The following METTL24 variants were observed in gnomAD, a reference collection of about 807,000 sequenced individuals.
The protein encoded by METTL24 is probable methyltransferase-like protein 24.
A neutral mutation model predicts 32.7 loss-of-function variants in METTL24; 29 were observed. That is an observed-to-expected ratio of 0.89 (90% CI 0.66 to 1.21). METTL24 has a LOEUF of 1.21. Ranked by LOEUF, METTL24 falls within the 50% of genes most tolerant of loss-of-function variation. The pLI is 0.00. For missense variants in METTL24, 439 were observed against 468.1 expected (o/e 0.94, Z 0.57); for synonymous variants, 163 against 179.5 (o/e 0.91, Z 0.73).
intron 3 of METTL24, among the ~76,000 whole-genome samples, chr6:110,309,875 ACAAAAC>A (rs1771689160): frequency 6.6e-6 from 1 of 150,912 alleles, no homozygotes; most frequent in East Asian, 1.9e-4. Flanking sequence ...AAAAAACAAA[ACAAAAC>A]AAAACAAAAC....
At chr6:110,265,134 AAAGAAAGAAAG>A (rs1272088520) in intron 4 of METTL24, among the ~76,000 whole-genome samples, 2 of 1,346 alleles carry the variant, frequency 1.5e-3, no homozygotes, top group Admixed American at 5.8e-3. Flanking sequence ...AAAAGGAAAG[AAAGAAAGAAAG>A]AAAGAAAGAA....
chr6:110,261,604 C>T (rs149863592), intron 4 of METTL24, among the ~76,000 whole-genome samples: 235 of 152,270 alleles, frequency 1.5e-3, no homozygotes, highest in African/African-American at 4.8e-3. Flanking sequence ...CTCAGCTCTG[C>T]GCCAAGTGGA....
chr6:110,283,167 C>G (rs1771166556), intron 4 of METTL24, among the ~76,000 whole-genome samples: 1 of 152,044 alleles, frequency 6.6e-6, no homozygotes, highest in South Asian at 2.1e-4. Context: ...ATAGAAAGAA[C>G]ATTTTTCTCC....
At chr6:110,263,652 C>T (rs1486906318) in intron 4 of METTL24, among the ~76,000 whole-genome samples, 16 of 152,196 alleles carry the variant, frequency 1.1e-4, no homozygotes, top group Non-Finnish European at 7.4e-5. Flanking sequence ...AAAAAGAGCC[C>T]GCATCGCCAA....
intron 1 of METTL24, among the ~76,000 whole-genome samples, chr6:110,354,989 T>C (rs1195397491): frequency 6.6e-6 from 1 of 152,238 alleles, no homozygotes; most frequent in Non-Finnish European, 1.5e-5. Flanking sequence ...AGTTACTGAA[T>C]AGGCTGAAAT....
At position 110,358,231 on chromosome 6, in the gene METTL24, C is replaced by T. The variant is rs1390474089; in HGVS notation, c.42G>A (p.Leu14=). 6.7e-7 allele frequency: 1 copy of T among 1,487,278 alleles called. No individual in the cohort carries two copies. The highest frequency in any genetic ancestry group is 8.9e-7 in the Non-Finnish European group (1 of 1,125,682). 92.1% of individuals were successfully genotyped at this position (1,487,278 alleles called of 1,614,324 possible). Residue 14 remains leucine (L), a synonymous_variant, in exon 1 of 5, where the codon CTG becomes CTA. Coordinates refer to ENST00000338882, the MANE Select transcript of METTL24 (RefSeq NM_001123364.3). The stretch of plus-strand genomic sequence containing the variant: ...GCACAGCCCCGAGTAGACACCGGCG[C>T]AGGACGCCGCAGCCCCTCCCGGGCG... ...ERPPGRGCGV[L]RRCLLGAVLL...
intron 1 of METTL24, among the ~76,000 whole-genome samples, chr6:110,325,147 T>G (rs1771995628): frequency 6.6e-6 from 1 of 152,118 alleles, no homozygotes; most frequent in Non-Finnish European, 1.5e-5. Flanking sequence ...GGCCCGGGGT[T>G]TAAAACCTCC....
intron 4 of METTL24, among the ~76,000 whole-genome samples, chr6:110,282,992 A>T (rs1771164115): frequency 6.6e-6 from 1 of 152,196 alleles, no homozygotes. Context: ...TATATTTTAA[A>T]TATCTGGAAT....
At chr6:110,326,470 T>C (rs1308258290) in intron 1 of METTL24, among the ~76,000 whole-genome samples, 5 of 152,164 alleles carry the variant, frequency 3.3e-5, no homozygotes. Flanking sequence ...TTGTTAAGAG[T>C]GTTGGCCGTA....
intron 1 of METTL24, among the ~76,000 whole-genome samples, chr6:110,335,328 G>T (rs1475779888): frequency 6.6e-6 from 1 of 152,172 alleles, no homozygotes. Flanking sequence ...CCCCATTTCA[G>T]ATTGGAAATA....
intron 4 of METTL24, among the ~76,000 whole-genome samples, chr6:110,267,466 T>G (rs1770876641): frequency 6.6e-6 from 1 of 152,180 alleles, no homozygotes; most frequent in Non-Finnish European, 1.5e-5. Flanking sequence ...ATAAAAAAAC[T>G]TCATCTTAGT....
At chr6:110,264,011 A>G (rs1239477523) in intron 4 of METTL24, among the ~76,000 whole-genome samples, 1 of 152,212 alleles carries the variant, frequency 6.6e-6, no homozygotes, top group African/African-American at 2.4e-5. Flanking sequence ...CTAAAACCAT[A>G]AAAACCCTAG....
intron 4 of METTL24, among the ~76,000 whole-genome samples, chr6:110,295,079 G>A (rs1249943323): frequency 7.8e-6 from 1 of 128,724 alleles, no homozygotes; most frequent in African/African-American, 3.1e-5. Context: ...CTGGAGTACA[G>A]TGGAGCAATC....
intron 3 of METTL24, 81 bp from the exon 4 acceptor site, chr6:110,299,231 G>T: frequency 1.6e-6 from 2 of 1,248,680 alleles, no homozygotes; most frequent in Non-Finnish European, 2.3e-6. Flanking sequence ...CAGTTCCAAG[G>T]CCAAGGTTCT....
chr6:110,283,893 T>C (rs534340604), intron 4 of METTL24, among the ~76,000 whole-genome samples: 1 of 152,298 alleles, frequency 6.6e-6, no homozygotes, highest in African/African-American at 2.4e-5. Flanking sequence ...ACAGTAGCAC[T>C]ACTCATAATA....
intron 4 of METTL24, among the ~76,000 whole-genome samples, chr6:110,274,546 G>A (rs539663882): frequency 6.6e-6 from 1 of 152,094 alleles, no homozygotes; most frequent in Admixed American, 6.5e-5. Flanking sequence ...AGACTATATT[G>A]GGTACAGTGC....
chr6:110,345,092 GC>G (rs913130089), intron 1 of METTL24, among the ~76,000 whole-genome samples: 2 of 151,866 alleles, frequency 1.3e-5, no homozygotes, highest in African/African-American at 4.8e-5. Context: ...GAAAAAAACA[GC>G]CCCATTAAAA....
chr6:110,350,675 C>T (rs1341715040), intron 1 of METTL24, among the ~76,000 whole-genome samples: 2 of 151,618 alleles, frequency 1.3e-5, no homozygotes, highest in African/African-American at 4.9e-5. Flanking sequence ...TCTGTAATCC[C>T]AAAACTTTGG....
intron 2 of METTL24, among the ~76,000 whole-genome samples, 182 bp from the exon 3 acceptor site, chr6:110,315,663 T>C (rs1032472867): frequency 3.3e-5 from 5 of 152,174 alleles, no homozygotes; most frequent in African/African-American, 7.2e-5. Context: ...GAAATTTCAA[T>C]TACTAGATAA....
Sources: allele counts gnomAD v4.1 joint callset (sites outside exome capture counted in the v4.1 genomes callset), GRCh38; gene constraint gnomAD v4.1.1; transcripts MANE v1.5; gene names NCBI Gene and HGNC (gene_info 2026-07-23, HGNC 2026-07-21).